FRMPD1: variants seen among roughly 807,000 people sequenced by gnomAD.
The protein encoded by FRMPD1 is FERM and PDZ domain containing 1, also known as FERM and PDZ domain-containing protein 1.
FRMPD1 carries 76 observed loss-of-function variants against 117.8 expected under a neutral mutation model. The observed-to-expected ratio is 0.65, with a 90% confidence interval of 0.54 to 0.78. The LOEUF is 0.78. Ranked by LOEUF, FRMPD1 falls within the 30% of genes least tolerant of loss-of-function variation. FRMPD1 has a pLI of 0.00. For missense variants in FRMPD1, 1,786 were observed against 1,964.5 expected (o/e 0.91, Z 1.72); for synonymous variants, 783 against 770.4 (o/e 1.02, Z -0.27).
intron 6 of FRMPD1, among the ~76,000 whole-genome samples, chr9:37,721,882 T>C (rs1376278013): frequency 1.3e-5 from 2 of 152,194 alleles, no homozygotes; most frequent in Non-Finnish European, 2.9e-5. Flanking sequence ...AAAATAAACA[T>C]AGAGTCATGC....
At chr9:37,626,051 G>A in the FRMPD1 span, among the ~76,000 whole-genome samples, 1 of 152,090 alleles carries the variant, frequency 6.6e-6, no homozygotes, top group Non-Finnish European at 1.5e-5. Flanking sequence ...ACATGGCTGG[G>A]CGCGGTGGCT....
At chr9:37,645,369 A>G in the FRMPD1 span, among the ~76,000 whole-genome samples, 2 of 152,230 alleles carry the variant, frequency 1.3e-5, no homozygotes, top group African/African-American at 4.8e-5. Context: ...TTACATTAGC[A>G]ATAGATTCGA....
intron 1 of FRMPD1, among the ~76,000 whole-genome samples, chr9:37,685,514 T>TGGTGGCGGGCGC (rs1401940383): frequency 6.6e-6 from 1 of 151,102 alleles, no homozygotes; most frequent in Non-Finnish European, 1.5e-5. Flanking sequence ...TAGCCGGGCG[T>TGGTGGCGGGCGC]GGTGGCGGGC....
chr9:37,645,936 A>G, the FRMPD1 span, among the ~76,000 whole-genome samples: 1 of 152,214 alleles, frequency 6.6e-6, no homozygotes, highest in Admixed American at 6.5e-5. Context: ...GTCATCAGGT[A>G]TCATTGCCTC....
intron 1 of FRMPD1, among the ~76,000 whole-genome samples, chr9:37,689,369 CATA>C (rs1260040581): frequency 6.6e-6 from 1 of 151,996 alleles, no homozygotes; most frequent in Non-Finnish European, 1.5e-5. Context: ...CCTTGGATTT[CATA>C]ATTCCCTCTG....
the FRMPD1 span, among the ~76,000 whole-genome samples, chr9:37,620,785 C>T: frequency 6.6e-6 from 1 of 151,656 alleles, no homozygotes; most frequent in African/African-American, 2.4e-5. Flanking sequence ...TCCTGCTATT[C>T]CAGGCCCTGT....
At chr9:37,739,014 A>T (rs2118464868) in intron 14 of FRMPD1, among the ~76,000 whole-genome samples, 1 of 152,044 alleles carries the variant, frequency 6.6e-6, no homozygotes, top group East Asian at 1.9e-4. Context: ...GGGAAAAGGG[A>T]GATGGTGAAA....
At chr9:37,739,173 T>C (rs1167116102) in intron 14 of FRMPD1, among the ~76,000 whole-genome samples, 1 of 152,022 alleles carries the variant, frequency 6.6e-6, no homozygotes, top group Admixed American at 6.6e-5. Flanking sequence ...AGGGCCATCC[T>C]GGGAGAGGGG....
chr9:37,719,282 G>A, intron 6 of FRMPD1, 106 bp downstream of exon 6: 1 of 730,948 alleles, frequency 1.4e-6, no homozygotes, highest in Non-Finnish European at 2.4e-6. Context: ...TGCAGAGGAA[G>A]TGCAGTGTGT....
At chr9:37,725,461 C>T (rs77595922) in intron 7 of FRMPD1, among the ~76,000 whole-genome samples, 28,778 of 152,196 alleles carry the variant, frequency 0.19, 2,793 homozygotes, top group Middle Eastern at 0.27. Flanking sequence ...CATATGCATG[C>T]ACACATATGT....
Position 37,740,865 on chromosome 9 carries a change from T to C in FRMPD1, c.2337T>C (p.Thr779=). 4 of 1,613,692 alleles carry C rather than the reference T, an allele frequency of 2.5e-6. No individual in the cohort carries two copies. The highest frequency in any genetic ancestry group is 3.4e-6 in the Non-Finnish European group (4 of 1,179,752). The part of the protein sequence containing the change: ...EEYYDAADKL[T]PPGPPSGPRD... ...ACTATGACGCGGCTGATAAGCTCAC[T>C]CCCCCAGGCCCCCCGTCAGGTGAGC... The change falls in exon 15 of 16, where the codon ACT becomes ACC. Residue 779 remains threonine, a synonymous_variant. Transcript: ENST00000377765. This position sits in a 1 kb window ranked among gnomAD's most constrained non-coding sequence, Gnocchi z 4.2.
rs1187364235 is a variant in FRMPD1 at position 37,692,667 on chromosome 9, T to C, written c.26T>C (p.Phe9Ser). 6.2e-7 allele frequency: 1 copy of C among 1,613,518 alleles called. No homozygotes were observed. The highest frequency in any genetic ancestry group is 8.5e-7 in the Non-Finnish European group (1 of 1,179,404). The change falls in exon 2 of 16, where the codon TTC becomes TCC. Residue 9 changes from phenylalanine to serine, a missense_variant. By Grantham distance (155) the Phe-to-Ser change is radical (BLOSUM62 -2). Transcript: ENST00000377765. MEELETSL[F>S]QTRKAHRIEQ... is the part of the protein sequence containing the mutation. ...ATGGAAGAGCTGGAGACCAGTTTAT[T>C]CCAGACACGGAAAGCACATAGAATA...
At chr9:37,650,030 T>C (rs11998911), upstream of FRMPD1, among the ~76,000 whole-genome samples, 2,125 of 152,312 alleles carry the variant, frequency 0.014, 53 homozygotes, top group African/African-American at 0.048. Flanking sequence ...GTGGTGCCCT[T>C]GGCCCCGTGG....
Position 37,740,976 on chromosome 9 carries a change from C to A in FRMPD1, c.2356+92C>A. On this transcript the variant is annotated intron_variant, in intron 15 of 15. Coordinates refer to ENST00000377765, the MANE Select transcript of FRMPD1 (RefSeq NM_014907.3). This position sits in a 1 kb window ranked among gnomAD's most constrained non-coding sequence, Gnocchi z 4.2. Reference sequence around the variant, plus strand: ...CCTGGGGCCAAGCTTGAGAGGAAGGCACATGAGTGAAACAGGGTCCCTGTA... The same window carrying A: ...CCTGGGGCCAAGCTTGAGAGGAAGGAACATGAGTGAAACAGGGTCCCTGTA... The A allele has an allele frequency of 2.1e-6, 2 of 946,960 alleles. No homozygotes were observed. Among genetic ancestry groups the A allele is most frequent in the Non-Finnish European group, 3.4e-6 (2 of 588,338 alleles). 58.7% of individuals were successfully genotyped at this position (946,960 alleles called of 1,614,324 possible). A position where few individuals can be genotyped will look rare whatever the true frequency, so the allele number is the denominator to read the frequency against.
intron 1 of FRMPD1, among the ~76,000 whole-genome samples, chr9:37,675,562 A>G (rs1027710011): frequency 2.6e-5 from 4 of 152,164 alleles, no homozygotes; most frequent in South Asian, 2.1e-4. Context: ...GGAGGGTACA[A>G]AGACTCTCAG....
chr9:37,705,961 A>AAATAAAT (rs1319474459), intron 2 of FRMPD1, among the ~76,000 whole-genome samples: 2 of 1,248 alleles, frequency 1.6e-3, no homozygotes, highest in African/African-American at 3.5e-3. Context: ...CCCTCCCTCA[A>AAATAAAT]AATAAATAAA....
At chr9:37,650,830 G>A (rs1041737337), upstream of FRMPD1, among the ~76,000 whole-genome samples, 4 of 148,846 alleles carry the variant, frequency 2.7e-5, no homozygotes, top group Non-Finnish European at 6.0e-5. Context: ...CTCCTCCCCC[G>A]GGGCGGGGGT....
chr9:37,740,901 A>G lies in FRMPD1; in HGVS notation c.2356+17A>G, dbSNP rs148115989. The stretch of plus-strand genomic sequence containing the variant: ...CCCCGTCAGGTGAGCCGTCCCTTGC[A>G]GGTCTGCAGACACGGCAGGCAGCTC... On this transcript the variant is annotated intron_variant, in intron 15 of 15. Transcript: ENST00000377765. This position sits in a 1 kb window ranked among gnomAD's most constrained non-coding sequence, Gnocchi z 4.2. The G allele has an allele frequency of 4.2e-4, 672 of 1,601,856 alleles. 12 individuals are homozygous for G. The East Asian group carries it at 9.3e-3, about 22-fold the overall frequency.
At chr9:37,697,283 A>ACAG (rs1822352330) in intron 2 of FRMPD1, among the ~76,000 whole-genome samples, 1 of 152,206 alleles carries the variant, frequency 6.6e-6, no homozygotes. Flanking sequence ...AATAACATTT[A>ACAG]CAGTATCAAT....
Sources: gnomAD v4.1 joint callset for allele counts (sites outside exome capture counted in the v4.1 genomes callset) on GRCh38, gnomAD v4.1.1 for gene constraint, Gnocchi (gnomAD v3.1) non-coding constraint, MANE v1.5 for transcripts, NCBI Gene and HGNC (gene_info 2026-07-23, HGNC 2026-07-21) for gene names.